Variants in TIAM1 observed in about 807,000 individuals in gnomAD.
TIAM1 encodes the protein rho guanine nucleotide exchange factor TIAM1.
TIAM1 carries 65 observed loss-of-function variants against 163.5 expected under a neutral mutation model. That is an observed-to-expected ratio of 0.40 (90% CI 0.33 to 0.49). The LOEUF (loss-of-function observed/expected upper bound fraction) is 0.49. Among genes scored for constraint, TIAM1 ranks in the 20% least tolerant of loss-of-function variants. The probability of loss-of-function intolerance (pLI) is 0.77; values close to 1 mark genes in which losing one functional copy is unlikely to be tolerated. For missense variants in TIAM1, 1,789 were observed against 2,044.7 expected, an observed-to-expected ratio of 0.87 and a Z score of 2.41; for synonymous variants, 833 against 810.1, an observed-to-expected ratio of 1.03 and a Z score of -0.48.
chr21:31,397,889 G>A (rs2077099590), intron 2 of TIAM1, among the ~76,000 whole-genome samples: 2 of 152,138 alleles, frequency 1.3e-5, no homozygotes, highest in Admixed American at 6.6e-5. Flanking sequence ...GATAACAAAG[G>A]AACTTCAGAA....
intron 1 of TIAM1, among the ~76,000 whole-genome samples, chr21:31,465,162 C>T (rs1380675052): frequency 6.7e-6 from 1 of 149,662 alleles, no homozygotes; most frequent in East Asian, 2.0e-4. Flanking sequence ...TGCGTGATTG[C>T]ACCACAGCAC....
intron 6 of TIAM1, among the ~76,000 whole-genome samples, chr21:31,227,973 G>A (rs1276203240): frequency 1.3e-5 from 2 of 152,016 alleles, no homozygotes; most frequent in East Asian, 3.9e-4. Context: ...CGCGATCTCA[G>A]TTCACTGCAA....
intron 2 of TIAM1, among the ~76,000 whole-genome samples, chr21:31,280,443 G>A (rs536609155): frequency 5.9e-5 from 9 of 152,118 alleles, no homozygotes; most frequent in East Asian, 1.9e-4. Context: ...CCCCAGCCAC[G>A]TGGAACTGTG....
intron 5 of TIAM1, among the ~76,000 whole-genome samples, chr21:31,248,427 G>T (rs1354363326): frequency 6.6e-6 from 1 of 152,256 alleles, no homozygotes; most frequent in South Asian, 2.1e-4. Context: ...TAAGATGAAC[G>T]CGAAGCAGCA....
intron 2 of TIAM1, among the ~76,000 whole-genome samples, chr21:31,283,653 T>A (rs568865277): frequency 8.0e-4 from 122 of 152,236 alleles, no homozygotes; most frequent in Non-Finnish European, 1.4e-3. Flanking sequence ...CAAGCAATTC[T>A]CCTGCCTCAG....
intron 10 of TIAM1, among the ~76,000 whole-genome samples, chr21:31,212,197 G>A (rs193281384): frequency 1.6e-3 from 237 of 152,162 alleles, no homozygotes; most frequent in African/African-American, 5.2e-3. Flanking sequence ...GAAAGAAAAG[G>A]CCTTCCCATG....
At chr21:31,373,474 A>C (rs2076633732) in intron 2 of TIAM1, among the ~76,000 whole-genome samples, 1 of 152,146 alleles carries the variant, frequency 6.6e-6, no homozygotes, top group African/African-American at 2.4e-5. Context: ...AATGAGAGAC[A>C]AGCAAAAGCA....
intron 1 of TIAM1, among the ~76,000 whole-genome samples, chr21:31,546,606 A>G (rs1239826430): frequency 6.6e-6 from 1 of 152,070 alleles, no homozygotes; most frequent in Non-Finnish European, 1.5e-5. Flanking sequence ...TGCCTGAGAA[A>G]AATGGAGAAG....
At chr21:31,465,643 T>G (rs2045499997) in intron 1 of TIAM1, among the ~76,000 whole-genome samples, 1 of 151,530 alleles carries the variant, frequency 6.6e-6, no homozygotes, top group Non-Finnish European at 1.5e-5. Context: ...CGATCTTGGC[T>G]CACTGCAAGC....
intron 2 of TIAM1, among the ~76,000 whole-genome samples, chr21:31,410,196 GTGAT>G (rs1480192439): frequency 2.1e-5 from 3 of 143,786 alleles, no homozygotes; most frequent in Non-Finnish European, 3.0e-5. Context: ...GTGTGAAACA[GTGAT>G]TGTGAGTGTG....
At chr21:31,238,069 G>C (rs2070985868) in intron 6 of TIAM1, among the ~76,000 whole-genome samples, 1 of 152,210 alleles carries the variant, frequency 6.6e-6, no homozygotes, top group Admixed American at 6.5e-5. Flanking sequence ...TTGGTAACAT[G>C]AATCTCCTTT....
At chr21:31,388,791 G>A (rs2147191020) in intron 2 of TIAM1, among the ~76,000 whole-genome samples, 1 of 152,328 alleles carries the variant, frequency 6.6e-6, no homozygotes, top group East Asian at 1.9e-4. Flanking sequence ...ACATCACAGA[G>A]TTCATATGAG....
chr21:31,334,289 CT>C (rs11323293), intron 2 of TIAM1, among the ~76,000 whole-genome samples: 98,781 of 144,758 alleles, frequency 0.68, 33,565 homozygotes, highest in Non-Finnish European at 0.73. Flanking sequence ...ACCTCCCCGC[CT>C]TTTTTTTTTT....
At chr21:31,235,853 AC>A (rs1248652540) in intron 6 of TIAM1, among the ~76,000 whole-genome samples, 1 of 152,216 alleles carries the variant, frequency 6.6e-6, no homozygotes, top group African/African-American at 2.4e-5. Context: ...TGAGGCACCC[AC>A]AAGAAGGCAT....
chr21:31,470,778 T>A (rs950656014), intron 1 of TIAM1, among the ~76,000 whole-genome samples: 1 of 152,176 alleles, frequency 6.6e-6, no homozygotes, highest in African/African-American at 2.4e-5. Flanking sequence ...GAAAACCATG[T>A]AGAAACAGCC....
At chr21:31,215,568 G>GAAAAAAAAAA (rs398040071) in intron 9 of TIAM1, among the ~76,000 whole-genome samples, 1 of 75,516 alleles carries the variant, frequency 1.3e-5, no homozygotes, top group Non-Finnish European at 2.9e-5. Context: ...TCTCAAAAAA[G>GAAAAAAAAAA]AAAAAAAAAA....
chr21:31,475,893 T>C (rs2045921541), intron 1 of TIAM1, among the ~76,000 whole-genome samples: 1 of 152,144 alleles, frequency 6.6e-6, no homozygotes, highest in African/African-American at 2.4e-5. Flanking sequence ...CAAGAAAGGG[T>C]AGGGCAGGTC....
intron 2 of TIAM1, among the ~76,000 whole-genome samples, chr21:31,400,487 C>T (rs1450312205): frequency 6.6e-6 from 1 of 152,116 alleles, no homozygotes; most frequent in African/African-American, 2.4e-5. Flanking sequence ...CTGAAATATA[C>T]ACTCCAGGAG....
chr21:31,346,547 T>G (rs903917192), upstream of TIAM1, among the ~76,000 whole-genome samples: 1 of 152,160 alleles, frequency 6.6e-6, no homozygotes, highest in Non-Finnish European at 1.5e-5. Flanking sequence ...CGGGACTGTC[T>G]TGAGAATCAG....
Sources: gnomAD v4.1 joint callset for allele counts (sites outside exome capture counted in the v4.1 genomes callset) on GRCh38, gnomAD v4.1.1 for gene constraint, MANE v1.5 for transcripts, NCBI Gene and HGNC (gene_info 2026-07-23, HGNC 2026-07-21) for gene names.